KATNIP: variants seen among roughly 807,000 people sequenced by gnomAD.
KATNIP encodes the protein katanin-interacting protein.
A neutral mutation model predicts 174.0 loss-of-function variants in KATNIP; 126 were observed. The ratio of observed to expected loss-of-function variants is 0.72; its 90% confidence interval spans 0.63 to 0.84. The LOEUF (loss-of-function observed/expected upper bound fraction) is 0.84. Among genes scored for constraint, KATNIP ranks in the 40% least tolerant of loss-of-function variants. KATNIP has a pLI of 0.00. For synonymous variants in KATNIP, 810 were observed against 835.7 expected (o/e 0.97, Z 0.53); for missense variants, 1,958 against 2,109.7 (o/e 0.93, Z 1.41).
At chr16:27,671,681 G>T (rs111780574) in intron 6 of KATNIP, among the ~76,000 whole-genome samples, 2 of 152,150 alleles carry the variant, frequency 1.3e-5, no homozygotes, top group African/African-American at 2.4e-5. Flanking sequence ...TGCAACTGCA[G>T]CAAAGCTGGT....
At chr16:27,710,426 C>T (rs939268607) in intron 13 of KATNIP, among the ~76,000 whole-genome samples, 2 of 152,088 alleles carry the variant, frequency 1.3e-5, no homozygotes, top group Non-Finnish European at 2.9e-5. Flanking sequence ...TTTTTTCCTT[C>T]CTGCTACTTG....
At chr16:27,717,115 T>A (rs540818325) in intron 13 of KATNIP, among the ~76,000 whole-genome samples, 1 of 152,264 alleles carries the variant, frequency 6.6e-6, no homozygotes, top group East Asian at 1.9e-4. Flanking sequence ...GTGCTGGGAT[T>A]ACAGGTGTGA....
chr16:27,762,116 C>T (rs1451786043), intron 19 of KATNIP, among the ~76,000 whole-genome samples: 1 of 152,156 alleles, frequency 6.6e-6, no homozygotes, highest in African/African-American at 2.4e-5. Context: ...GCCTCAAATA[C>T]AGCATTGATC....
chr16:27,753,053 G>A (rs552487351), intron 17 of KATNIP, among the ~76,000 whole-genome samples: 1 of 152,218 alleles, frequency 6.6e-6, no homozygotes, highest in African/African-American at 2.4e-5. Flanking sequence ...GTGTTCCCTG[G>A]GGATTGTACC....
intron 1 of KATNIP, among the ~76,000 whole-genome samples, chr16:27,568,684 C>T (rs775760652): frequency 1.3e-5 from 2 of 152,032 alleles, no homozygotes; most frequent in African/African-American, 2.4e-5. Flanking sequence ...AGGATGGTCT[C>T]AATCTCTTGA....
intron 18 of KATNIP, chr16:27,757,374 G>A (rs2081775416): frequency 2.1e-5 from 8 of 385,198 alleles, no homozygotes; most frequent in Non-Finnish European, 2.8e-5. Context: ...CCCAAACAGT[G>A]TGGACCGAGC....
intron 6 of KATNIP, among the ~76,000 whole-genome samples, chr16:27,658,187 C>T (rs1331031569): frequency 4.6e-5 from 7 of 152,166 alleles, no homozygotes; most frequent in Non-Finnish European, 8.8e-5. Context: ...TTTTTAACGT[C>T]CTTATGTGAC....
chr16:27,560,610 T>C lies in KATNIP; in HGVS notation c.7+10433T>C, dbSNP rs114067099. The stretch of plus-strand genomic sequence containing the variant: ...TTCTTTCGCACCTCGCTGCCTTGCC[T>C]GTGCTGTGTTCCCTGCCAGCTGTGC... On this transcript the variant is annotated intron_variant, in intron 1 of 27. Transcript: ENST00000261588. Among the ~76,000 whole-genome samples, 1,187 of 152,340 alleles carry C rather than the reference T, an allele frequency of 7.8e-3. 21 individuals are homozygous for C. Among genetic ancestry groups the C allele is most frequent in the African/African-American group, 0.027 (1,126 of 41,594 alleles).
chr16:27,665,126 G>GT (rs747868707), intron 6 of KATNIP, among the ~76,000 whole-genome samples: 3,465 of 138,152 alleles, frequency 0.025, 52 homozygotes, highest in African/African-American at 0.038. Flanking sequence ...TCCGGAGGTT[G>GT]TTTTTTTTTT....
At chr16:27,678,905 G>A (rs1468059125) in intron 7 of KATNIP, 1 of 152,454 alleles carries the variant, frequency 6.6e-6, no homozygotes, top group African/African-American at 2.4e-5. Flanking sequence ...GAGGGGCAGG[G>A]AGGAGAGAGA....
At chr16:27,732,155 C>T (rs1398687424) in intron 14 of KATNIP, among the ~76,000 whole-genome samples, 2 of 152,178 alleles carry the variant, frequency 1.3e-5, no homozygotes, top group African/African-American at 4.8e-5. Context: ...AGCCAGAGGA[C>T]CACCAGTGTG....
chr16:27,562,458 C>A lies in KATNIP; in HGVS notation c.8-11443C>A, dbSNP rs560132555. ...AAATTAGCTATGTGGAGAAGGAACA[C>A]ATCTCTTTCCTTAGGATTCTGGGAG... On this transcript the variant is annotated intron_variant, in intron 1 of 27. Coordinates refer to ENST00000261588, the MANE Select transcript of KATNIP (RefSeq NM_015202.5). Among the ~76,000 whole-genome samples, 37 of 152,342 alleles carry A rather than the reference C, an allele frequency of 2.4e-4. 1 individual carries two copies. In the South Asian group the frequency reaches 7.5e-3, roughly 31 times the overall value.
chr16:27,688,690 T>C (rs1227951339), intron 8 of KATNIP, among the ~76,000 whole-genome samples: 1 of 152,238 alleles, frequency 6.6e-6, no homozygotes, highest in African/African-American at 2.4e-5. Context: ...TCCTAGCAAG[T>C]TCCCAGGCGA....
chr16:27,677,677 T>C, intron 6 of KATNIP, 52 bp from the exon 7 acceptor site: 1 of 1,530,062 alleles, frequency 6.5e-7, no homozygotes. Flanking sequence ...TCAAATAAGT[T>C]TTTCTCAAGG....
Position 27,624,123 on chromosome 16 carries a change from T to C in KATNIP, c.141-4538T>C, listed in dbSNP as rs201441018. Among the ~76,000 whole-genome samples, 75 of 152,188 alleles carry C rather than the reference T, an allele frequency of 4.9e-4. 1 individual carries two copies. In the East Asian group the frequency reaches 0.014, roughly 29 times the overall value. On this transcript the variant is annotated intron_variant, in intron 3 of 27. Transcript: ENST00000261588. The stretch of plus-strand genomic sequence containing the variant: ...GTGATGCTGGTTCTCTCCTTCCTTC[T>C]TTCTGCCTGGATCTTCTCCTGGGGC...
At chr16:27,650,649 TC>T (rs2077095123) in intron 6 of KATNIP, among the ~76,000 whole-genome samples, 1 of 152,212 alleles carries the variant, frequency 6.6e-6, no homozygotes, top group South Asian at 2.1e-4. Context: ...CAGGAAATGT[TC>T]CTCCGATTTT....
intron 15 of KATNIP, among the ~76,000 whole-genome samples, chr16:27,743,016 C>T (rs962835386): frequency 1.3e-5 from 2 of 152,152 alleles, no homozygotes; most frequent in South Asian, 2.1e-4. Context: ...CCTCCCACTA[C>T]ACCCCCCAAC....
intron 6 of KATNIP, among the ~76,000 whole-genome samples, chr16:27,671,110 T>C (rs2077885015): frequency 6.6e-6 from 1 of 152,102 alleles, no homozygotes; most frequent in Non-Finnish European, 1.5e-5. Flanking sequence ...GGAGAATCGC[T>C]TGAACCCAGG....
Position 27,777,617 on chromosome 16 carries a change from T to G in KATNIP, c.4559T>G (p.Val1520Gly). The G allele has an allele frequency of 6.2e-7, 1 of 1,608,518 alleles. No homozygotes were observed. The highest frequency in any genetic ancestry group is 8.5e-7 in the Non-Finnish European group (1 of 1,176,968). The change falls in exon 26 of 28, where the codon GTG becomes GGG. Residue 1520 changes from valine (V) to glycine (G), a missense_variant. This residue lies in a region of KATNIP where 383 missense variants were observed against 456.0 expected (regional missense o/e 0.84). Coordinates refer to ENST00000261588, the MANE Select transcript of KATNIP (RefSeq NM_015202.5). The surrounding 1 kb of genome is among the most constrained non-coding windows in gnomAD (Gnocchi z 4.4). ...TGCCCCGTGTCCCTGCAGCTCCTGG[T>G]GGACGACCTGCTTGTGTACAATGGG... ...HRGVKEFGLL[V>G]DDLLVYNGIL...
Sources: allele counts gnomAD v4.1 joint callset (sites outside exome capture counted in the v4.1 genomes callset), GRCh38; gene constraint gnomAD v4.1.1; regional missense constraint gnomAD v4.1.1; non-coding constraint Gnocchi (gnomAD v3.1); transcripts MANE v1.5; gene names NCBI Gene and HGNC (gene_info 2026-07-23, HGNC 2026-07-21).